SPTBN4: variants seen among roughly 807,000 people sequenced by gnomAD.
SPTBN4 encodes spectrin beta chain, non-erythrocytic 4.
SPTBN4 carries 96 observed loss-of-function variants against 277.8 expected under a neutral mutation model. The ratio of observed to expected loss-of-function variants is 0.35; its 90% CI spans 0.29 to 0.41. SPTBN4 has a LOEUF of 0.41. SPTBN4 is among the 10% of genes least tolerant of loss of function. SPTBN4 has a pLI of 1.00. For missense variants in SPTBN4, 3,006 were observed against 3,595.7 expected, an observed-to-expected ratio of 0.84 and a Z score of 4.19; for synonymous variants, 1,481 against 1,580.3, an observed-to-expected ratio of 0.94 and a Z score of 1.49.
chr19:40,530,470 A>G (rs1022552372), intron 18 of SPTBN4: 111 of 969,862 alleles, frequency 1.1e-4, no homozygotes, highest in Non-Finnish European at 1.3e-4. Context: ...GGGGCGAGGG[A>G]GGGGGCGCGC....
At chr19:40,518,918 T>A (rs1167156321) in intron 15 of SPTBN4, among the ~76,000 whole-genome samples, 1 of 152,140 alleles carries the variant, frequency 6.6e-6, no homozygotes, top group African/African-American at 2.4e-5. Context: ...TAAAAAAATT[T>A]TTTTAAATCT....
rs2081147520 is a variant in SPTBN4 at position 40,570,727 on chromosome 19, C to A, written c.7318C>A (p.Arg2440=). Residue 2440 remains arginine (R), a splice_region_variant and synonymous_variant, in exon 33 of 36, where the codon CGG becomes AGG. Coordinates refer to ENST00000598249, the MANE Select transcript of SPTBN4 (RefSeq NM_020971.3). The part of the protein sequence containing the change: ...ELDANRKSSN[R]SWVSLYCVLS... ...CGACGCTAACCGCAAGTCGTCCAAC[C>A]GGTGAGCGTGTGGGCGGGGCTTTGG... is the stretch of plus-strand genomic sequence containing the variant. 1 of 1,607,098 alleles carries A rather than the reference C, an allele frequency of 6.2e-7. No homozygotes were observed. The highest frequency in any genetic ancestry group is 1.1e-5 in the South Asian group (1 of 90,436).
At chr19:40,505,039 T>C (rs576931428) in intron 12 of SPTBN4, among the ~76,000 whole-genome samples, 7 of 144,492 alleles carry the variant, frequency 4.8e-5, no homozygotes, top group African/African-American at 1.7e-4. Flanking sequence ...ATGGAATCAA[T>C]TTAAGAGAGA....
intron 2 of SPTBN4, among the ~76,000 whole-genome samples, chr19:40,480,725 T>C (rs1326379413): frequency 6.6e-6 from 1 of 152,158 alleles, no homozygotes; most frequent in Non-Finnish European, 1.5e-5. Context: ...TGCATTCACC[T>C]GTTGATAAGC....
At chr19:40,545,348 C>A (rs1307700243) in intron 20 of SPTBN4, among the ~76,000 whole-genome samples, 1 of 152,036 alleles carries the variant, frequency 6.6e-6, no homozygotes, top group Non-Finnish European at 1.5e-5. Context: ...CCTGCCTTGG[C>A]CTCCCAAAGT....
intron 35 of SPTBN4, among the ~76,000 whole-genome samples, chr19:40,573,968 G>A (rs952377083): frequency 6.6e-6 from 1 of 152,050 alleles, no homozygotes. Context: ...TGGGCATGGT[G>A]GCGGGCGCCT....
At chr19:40,516,316 CTT>C (rs2080460581) in intron 15 of SPTBN4, among the ~76,000 whole-genome samples, 1 of 151,330 alleles carries the variant, frequency 6.6e-6, no homozygotes, top group African/African-American at 2.4e-5. Flanking sequence ...CTCTCTCTCT[CTT>C]TTGAGACAGG....
chr19:40,531,839 T>C (rs1472034770), intron 18 of SPTBN4, among the ~76,000 whole-genome samples: 2 of 151,972 alleles, frequency 1.3e-5, no homozygotes, highest in African/African-American at 4.8e-5. Flanking sequence ...GGCTAGATTT[T>C]GGGGTAGACT....
chr19:40,546,092 A>C (rs1216908510), intron 20 of SPTBN4, among the ~76,000 whole-genome samples: 13 of 149,180 alleles, frequency 8.7e-5, no homozygotes, highest in Non-Finnish European at 1.8e-4. Context: ...GGGCGTGGTG[A>C]TGTGTGCCTG....
At chr19:40,511,503 A>G (rs908616626) in intron 13 of SPTBN4, among the ~76,000 whole-genome samples, 35 of 152,348 alleles carry the variant, frequency 2.3e-4, no homozygotes, top group African/African-American at 7.7e-4. Flanking sequence ...CGTTCCTTCT[A>G]TTCTATTCCA....
rs372485061 is a variant in SPTBN4 at position 40,512,850 on chromosome 19, C to T, written c.2061C>T (p.Gly687=). The T allele has an allele frequency of 3.0e-5, 44 of 1,456,636 alleles. No homozygotes were observed. The East Asian group carries it at 9.1e-4, about 30-fold the overall frequency. The allele number at this position is 1,456,636 out of a possible 1,614,324, so 90.2% of individuals were successfully genotyped here. A position where few individuals can be genotyped will look rare whatever the true frequency, so the allele number is the denominator to read the frequency against. ...CGGGCGCAGCGGGAACAGCGGGCGG[C>T]GCGCATGACCTGTCCAGCACAGCGC... The part of the protein sequence containing the change: ...GAAGAAGTAG[G]AHDLSSTARL... Residue 687 remains glycine (G), a synonymous_variant, in exon 14 of 36, where the codon GGC becomes GGT. Coordinates refer to ENST00000598249, the MANE Select transcript of SPTBN4 (RefSeq NM_020971.3).
At chr19:40,536,152 C>T (rs925980471) in intron 20 of SPTBN4, among the ~76,000 whole-genome samples, 3 of 151,872 alleles carry the variant, frequency 2.0e-5, no homozygotes, top group African/African-American at 4.8e-5. Flanking sequence ...GGGGTCAGTT[C>T]GTTCTTTTTC....
At chr19:40,509,171 T>C (rs986221270) in intron 13 of SPTBN4, among the ~76,000 whole-genome samples, 3 of 150,590 alleles carry the variant, frequency 2.0e-5, no homozygotes, top group Non-Finnish European at 4.4e-5. Flanking sequence ...ATCCTCCCGC[T>C]TCCACCTCCC....
At chr19:40,497,270 T>G (rs1309255819) in intron 6 of SPTBN4, among the ~76,000 whole-genome samples, 2 of 152,032 alleles carry the variant, frequency 1.3e-5, no homozygotes, top group Non-Finnish European at 2.9e-5. Context: ...CAAATGCACA[T>G]GCACACACAC....
chr19:40,501,055 G>A (rs561361537), intron 7 of SPTBN4, among the ~76,000 whole-genome samples: 2 of 152,190 alleles, frequency 1.3e-5, no homozygotes, highest in East Asian at 3.9e-4. Context: ...TATAGACAGA[G>A]TGAACATGGA....
chr19:40,551,293 G>A (rs1464835903), intron 22 of SPTBN4, among the ~76,000 whole-genome samples: 1 of 152,092 alleles, frequency 6.6e-6, no homozygotes, highest in Non-Finnish European at 1.5e-5. Context: ...TGGAGGCTGG[G>A]GAGGGAGGGT....
intron 2 of SPTBN4, among the ~76,000 whole-genome samples, chr19:40,477,140 AG>A (rs2079958177): frequency 6.6e-6 from 1 of 151,638 alleles, no homozygotes; most frequent in Non-Finnish European, 1.5e-5. Flanking sequence ...CCTGGGCTTG[AG>A]CAATCCTCCC....
intron 2 of SPTBN4, among the ~76,000 whole-genome samples, chr19:40,476,507 A>T (rs1393118038): frequency 6.6e-6 from 1 of 152,154 alleles, no homozygotes; most frequent in African/African-American, 2.4e-5. Flanking sequence ...GAGCCTTAGA[A>T]CCTTAAAAAG....
chr19:40,504,151 G>GCCCC lies in SPTBN4; in HGVS notation c.1665+19_1665+20insCCCC. ...GATGCAGGTGCCGGCGGGGGGGCGG[G>GCCCC]GATGCGGGTGGAGTGCCAGGAGGGA... On this transcript the variant is annotated intron_variant, in intron 12 of 35. Transcript: ENST00000598249. 1 of 969,678 alleles carries GCCCC rather than the reference G, an allele frequency of 1.0e-6. No homozygotes were observed. Among genetic ancestry groups the GCCCC allele is most frequent in the Non-Finnish European group, 1.6e-6 (1 of 639,102 alleles). 60.1% of individuals were successfully genotyped at this position (969,678 alleles called of 1,614,324 possible).
Sources: allele counts gnomAD v4.1 joint callset (sites outside exome capture counted in the v4.1 genomes callset), GRCh38; gene constraint gnomAD v4.1.1; transcripts MANE v1.5; gene names NCBI Gene and HGNC (gene_info 2026-07-23, HGNC 2026-07-21).